COL23A1: variants seen among roughly 807,000 people sequenced by gnomAD.
COL23A1 encodes collagen alpha-1(XXIII) chain.
In COL23A1, 97 loss-of-function variants were observed where a neutral mutation model predicts 99.3. The ratio of observed to expected loss-of-function variants is 0.98; its 90% confidence interval spans 0.83 to 1.16. COL23A1 has a LOEUF of 1.16. Among genes scored for constraint, COL23A1 ranks in the 50% most tolerant of loss-of-function variants. The pLI is 0.00. For missense variants in COL23A1, 762 were observed against 757.4 expected (o/e 1.01, Z -0.07); for synonymous variants, 320 against 308.2 (o/e 1.04, Z -0.40).
intron 2 of COL23A1, among the ~76,000 whole-genome samples, chr5:178,394,103 G>A (rs1335351777): frequency 6.6e-6 from 1 of 152,220 alleles, no homozygotes; most frequent in Non-Finnish European, 1.5e-5. Context: ...TGGGAGGGCA[G>A]GAGGAAGGGA....
At chr5:178,537,451 A>G (rs185267821) in intron 2 of COL23A1, among the ~76,000 whole-genome samples, 2 of 152,212 alleles carry the variant, frequency 1.3e-5, no homozygotes, top group Non-Finnish European at 2.9e-5. Flanking sequence ...TGGGTCATAG[A>G]ACTAGTACCG....
In COL23A1 at chr5:178,262,218, A is replaced by G. The variant is rs747705003; in HGVS notation, c.674T>C (p.Met225Thr). 1.3e-5 allele frequency: 20 copies of G among 1,583,136 alleles called. No homozygotes were observed. Among genetic ancestry groups the G allele is most frequent in the Non-Finnish European group, 8.6e-7 (1 of 1,164,086 alleles). ...CTCTGGAATGCCCTGGATACTGACCATCTCGCCGTCTTGTCCGGGCTCTCC... is the reference window on the plus strand; with the variant it reads ...CTCTGGAATGCCCTGGATACTGACCGTCTCGCCGTCTTGTCCGGGCTCTCC... ...PKGEPGQDGE[M>T]GPKGPPGPKG... Residue 225 changes from methionine (M) to threonine (T), a missense_variant and splice_region_variant, in exon 10 of 29, where the codon ATG becomes ACG. By Grantham distance (81) the Met-to-Thr change is moderately conservative (BLOSUM62 -1). Coordinates refer to ENST00000390654, the MANE Select transcript of COL23A1 (RefSeq NM_173465.4).
intron 2 of COL23A1, among the ~76,000 whole-genome samples, chr5:178,440,352 C>T (rs1050136570): frequency 4.6e-5 from 7 of 152,122 alleles, no homozygotes; most frequent in Non-Finnish European, 1.0e-4. Context: ...TCATAACCAC[C>T]GCCAGCTTCT....
chr5:178,270,490 G>T, intron 5 of COL23A1, 127 bp from the exon 6 acceptor site: 2 of 1,128,800 alleles, frequency 1.8e-6, no homozygotes, highest in South Asian at 1.3e-5. Flanking sequence ...TCTGGGTTCA[G>T]TCCATGTGGC....
At chr5:178,552,739 G>C (rs1257348591) in intron 2 of COL23A1, among the ~76,000 whole-genome samples, 1 of 150,826 alleles carries the variant, frequency 6.6e-6, no homozygotes, top group East Asian at 2.0e-4. Context: ...TTTTCAGACA[G>C]AGTCTCACTC....
intron 2 of COL23A1, among the ~76,000 whole-genome samples, chr5:178,352,841 C>A (rs1190662048): frequency 6.6e-6 from 1 of 152,196 alleles, no homozygotes; most frequent in African/African-American, 2.4e-5. Flanking sequence ...AGGCCCAGCA[C>A]GTCTGTTTGT....
chr5:178,523,171 T>TAC (rs1760064358), intron 2 of COL23A1, among the ~76,000 whole-genome samples: 2 of 109,878 alleles, frequency 1.8e-5, no homozygotes, highest in African/African-American at 6.5e-5. Flanking sequence ...TACATATATA[T>TAC]ATATATACAC....
At chr5:178,283,178 G>C (rs960685354) in intron 5 of COL23A1, among the ~76,000 whole-genome samples, 1 of 152,074 alleles carries the variant, frequency 6.6e-6, no homozygotes, top group African/African-American at 2.4e-5. Context: ...GAGCCACCGC[G>C]CCCGGCCGGG....
intron 5 of COL23A1, among the ~76,000 whole-genome samples, chr5:178,278,427 T>C (rs1451497566): frequency 6.6e-6 from 1 of 152,244 alleles, no homozygotes; most frequent in African/African-American, 2.4e-5. Context: ...GATTTCCAGC[T>C]TCTCTGGAAA....
chr5:178,494,282 G>T (rs1308085543), intron 2 of COL23A1, among the ~76,000 whole-genome samples: 1 of 152,210 alleles, frequency 6.6e-6, no homozygotes, highest in African/African-American at 2.4e-5. Flanking sequence ...AGACGACCAA[G>T]CCAGACAGCA....
chr5:178,295,341 A>G (rs1757683405), intron 3 of COL23A1, among the ~76,000 whole-genome samples: 1 of 152,256 alleles, frequency 6.6e-6, no homozygotes, highest in Non-Finnish European at 1.5e-5. Context: ...ACAGAACAGA[A>G]AATACAAATA....
At chr5:178,277,422 T>C (rs73342831) in intron 5 of COL23A1, among the ~76,000 whole-genome samples, 1,769 of 152,330 alleles carry the variant, frequency 0.012, 36 homozygotes, top group African/African-American at 0.041. Flanking sequence ...ATTTAAAAAT[T>C]GCAACCTTTT....
intron 2 of COL23A1, among the ~76,000 whole-genome samples, chr5:178,382,959 A>G (rs1763464585): frequency 6.6e-6 from 1 of 151,754 alleles, no homozygotes; most frequent in South Asian, 2.1e-4. Flanking sequence ...AGGGGGGCCC[A>G]CTCCAGTGCA....
intron 2 of COL23A1, among the ~76,000 whole-genome samples, chr5:178,436,833 C>T (rs183792637): frequency 0.033 from 4,973 of 152,318 alleles, 133 homozygotes; most frequent in Middle Eastern, 0.051. Flanking sequence ...AGTGTTACCC[C>T]CATTTTGCAA....
intron 2 of COL23A1, among the ~76,000 whole-genome samples, chr5:178,324,019 G>C (rs750219696): frequency 5.3e-5 from 8 of 152,072 alleles, no homozygotes; most frequent in Non-Finnish European, 1.2e-4. Flanking sequence ...GACGGCCTGG[G>C]GTCTCTCCAT....
At chr5:178,430,688 T>C (rs76278479) in intron 2 of COL23A1, among the ~76,000 whole-genome samples, 9,038 of 152,188 alleles carry the variant, frequency 0.059, 362 homozygotes, top group Middle Eastern at 0.16. Flanking sequence ...AATGGCAACT[T>C]GGGAAATAGA....
chr5:178,515,165 C>T (rs1399745783), intron 2 of COL23A1, among the ~76,000 whole-genome samples: 1 of 152,230 alleles, frequency 6.6e-6, no homozygotes, highest in African/African-American at 2.4e-5. Flanking sequence ...TCCCACCCAG[C>T]CCTCCTGGGG....
At chr5:178,375,169 G>A (rs1763006261) in intron 2 of COL23A1, among the ~76,000 whole-genome samples, 1 of 152,162 alleles carries the variant, frequency 6.6e-6, no homozygotes, top group African/African-American at 2.4e-5. Context: ...AACCACAGAA[G>A]GTCACACGCT....
chr5:178,312,911 T>C (rs1056151302), intron 2 of COL23A1, among the ~76,000 whole-genome samples: 2 of 152,188 alleles, frequency 1.3e-5, no homozygotes, highest in East Asian at 3.8e-4. Context: ...CAAGAATTAC[T>C]ACCAGGCGCA....
Sources: allele counts gnomAD v4.1 joint callset (sites outside exome capture counted in the v4.1 genomes callset), GRCh38; gene constraint gnomAD v4.1.1; transcripts MANE v1.5; gene names NCBI Gene and HGNC (gene_info 2026-07-23, HGNC 2026-07-21).